YEATS4: variants seen among roughly 807,000 people sequenced by gnomAD.
YEATS4 encodes the protein YEATS domain-containing protein 4.
A neutral mutation model predicts 30.1 loss-of-function variants in YEATS4; 17 were observed. The ratio of observed to expected loss-of-function variants is 0.56; its 90% CI spans 0.39 to 0.85. YEATS4 has a LOEUF of 0.85. YEATS4 is among the 40% of genes least tolerant of loss of function. The pLI, the probability that YEATS4 is intolerant of heterozygous loss-of-function variation, is 0.00. For synonymous variants in YEATS4, 85 were observed against 87.5 expected (o/e 0.97, Z 0.16); for missense variants, 142 against 268.3 (o/e 0.53, Z 3.29).
chr12:69,418,194 T>C, the YEATS4 span, among the ~76,000 whole-genome samples: 1 of 152,210 alleles, frequency 6.6e-6, no homozygotes, highest in Non-Finnish European at 1.5e-5. Context: ...AATCTTTCAT[T>C]TCTGTACTGA....
At chr12:69,417,890 T>C in the YEATS4 span, among the ~76,000 whole-genome samples, 1 of 151,174 alleles carries the variant, frequency 6.6e-6, no homozygotes, top group Admixed American at 6.6e-5. Flanking sequence ...ATAAAAGCTT[T>C]TGAAGCCAAA....
the YEATS4 span, among the ~76,000 whole-genome samples, chr12:69,407,531 T>G: frequency 1.3e-5 from 2 of 152,024 alleles, no homozygotes; most frequent in Non-Finnish European, 2.9e-5. Flanking sequence ...ATTTCCTGGA[T>G]AGCTACTGTG....
intron 4 of YEATS4, among the ~76,000 whole-genome samples, chr12:69,367,495 T>C (rs916680215): frequency 7.2e-5 from 11 of 152,082 alleles, no homozygotes; most frequent in African/African-American, 2.7e-4. Flanking sequence ...GCCTCCCCAG[T>C]AGATGGGACC....
rs546456269 is a variant in YEATS4, at chr12:69,380,227, G to A, written c.514+9252G>A. ...TTTGTAATCTAGGTTTGTTGTACCT[G>A]TCCTTGGGCAGGCTTTCCAGGTATT... On this transcript the variant is annotated intron_variant, in intron 6 of 6. Transcript: ENST00000247843. Among the ~76,000 whole-genome samples, 8 of 152,328 alleles carry A rather than the reference G, an allele frequency of 5.3e-5. No homozygotes were observed. In the South Asian group the frequency reaches 1.4e-3, roughly 28 times the overall value.
intron 6 of YEATS4, among the ~76,000 whole-genome samples, chr12:69,384,960 T>G (rs1460531757): frequency 6.6e-6 from 1 of 152,122 alleles, no homozygotes; most frequent in Non-Finnish European, 1.5e-5. Context: ...ATTTTAAAAA[T>G]GCAAACCAAA....
downstream of YEATS4, among the ~76,000 whole-genome samples, chr12:69,394,608 G>A (rs1868337387): frequency 6.8e-6 from 1 of 147,204 alleles, no homozygotes; most frequent in African/African-American, 2.7e-5. Flanking sequence ...TCTGGAAGAT[G>A]GAGATAGTGT....
chr12:69,376,072 A>G (rs1348234396), intron 6 of YEATS4, among the ~76,000 whole-genome samples: 1 of 152,170 alleles, frequency 6.6e-6, no homozygotes, highest in Non-Finnish European at 1.5e-5. Context: ...TTCCAAATAT[A>G]ATATCATCTA....
chr12:69,360,107 T>G (rs1348707428), intron 1 of YEATS4, 84 bp downstream of exon 1: 11 of 1,464,528 alleles, frequency 7.5e-6, no homozygotes. Flanking sequence ...CCCACTGGGT[T>G]TCCTTTCGCG....
chr12:69,412,879 G>A, the YEATS4 span, among the ~76,000 whole-genome samples: 1 of 152,030 alleles, frequency 6.6e-6, no homozygotes, highest in Non-Finnish European at 1.5e-5. Flanking sequence ...TTGAAGCTGA[G>A]GCTTCATAGG....
the YEATS4 span, among the ~76,000 whole-genome samples, chr12:69,412,103 G>A: frequency 1.3e-5 from 2 of 152,128 alleles, no homozygotes; most frequent in African/African-American, 4.8e-5. Flanking sequence ...GATGAGGGTC[G>A]GGAGCAGTAC....
intron 2 of YEATS4, among the ~76,000 whole-genome samples, chr12:69,364,899 C>T (rs140637901): frequency 0.012 from 1,870 of 152,100 alleles, 22 homozygotes; most frequent in African/African-American, 0.029. Context: ...GGATTACAGG[C>T]GTGAGCCACC....
intron 6 of YEATS4, among the ~76,000 whole-genome samples, chr12:69,376,622 A>G (rs1875885246): frequency 6.6e-6 from 1 of 152,146 alleles, no homozygotes; most frequent in Non-Finnish European, 1.5e-5. Flanking sequence ...GTGTTTTGTT[A>G]TGGATTTTTG....
At chr12:69,385,264 C>T (rs1221893268) in intron 6 of YEATS4, among the ~76,000 whole-genome samples, 1 of 149,778 alleles carries the variant, frequency 6.7e-6, no homozygotes, top group East Asian at 2.0e-4. Context: ...CCATGCCAGC[C>T]AGGAATTTTA....
chr12:69,360,037 C>A lies in YEATS4; in HGVS notation c.51+14C>A, dbSNP rs760159028. 11 of 1,612,002 alleles carry A rather than the reference C, an allele frequency of 6.8e-6. No homozygotes were observed. Among genetic ancestry groups the A allele is most frequent in the Non-Finnish European group, 8.5e-6 (10 of 1,179,072 alleles). On this transcript the variant is annotated intron_variant, in intron 1 of 6. Coordinates refer to ENST00000247843, the MANE Select transcript of YEATS4 (RefSeq NM_006530.4). ...GGGAGAGTAAAGGTCAGTGCCCGGA[C>A]CGCCCCTCTTCCGGGGTGGCTCTCC...
At chr12:69,402,176 T>G in the YEATS4 span, among the ~76,000 whole-genome samples, 1 of 152,178 alleles carries the variant, frequency 6.6e-6, no homozygotes, top group African/African-American at 2.4e-5. Flanking sequence ...AGGGCCTAAG[T>G]CTAGTTACAG....
the YEATS4 span, among the ~76,000 whole-genome samples, chr12:69,405,139 G>A: frequency 1.3e-3 from 192 of 152,278 alleles, no homozygotes; most frequent in Admixed American, 5.6e-3. Flanking sequence ...GATACAAATA[G>A]TTTTGCCTCT....
chr12:69,394,817 A>G (rs1348594488), downstream of YEATS4, among the ~76,000 whole-genome samples: 1 of 152,190 alleles, frequency 6.6e-6, no homozygotes, highest in East Asian at 1.9e-4. Flanking sequence ...CCTGGGCTCA[A>G]GCAATCGGCC....
intron 6 of YEATS4, among the ~76,000 whole-genome samples, chr12:69,381,044 T>C (rs934266511): frequency 2.6e-5 from 4 of 152,196 alleles, no homozygotes; most frequent in African/African-American, 4.8e-5. Flanking sequence ...CATATTGTCA[T>C]TGATAACATC....
intron 2 of YEATS4, 89 bp downstream of exon 2, chr12:69,362,996 T>A: frequency 1.0e-5 from 13 of 1,252,784 alleles, no homozygotes; most frequent in Admixed American, 6.0e-5. Flanking sequence ...TTTTTTTTTT[T>A]TTTTTTTTTT....
Sources: gnomAD v4.1 joint callset for allele counts (sites outside exome capture counted in the v4.1 genomes callset) on GRCh38, gnomAD v4.1.1 for gene constraint, MANE v1.5 for transcripts, NCBI Gene and HGNC (gene_info 2026-07-23, HGNC 2026-07-21) for gene names.